The following EYS variants were observed in gnomAD, a reference collection of about 807,000 sequenced individuals.
The protein encoded by EYS is EGF-like photoreceptor maintenance factor, also known as protein eyes shut homolog.
A neutral mutation model predicts 282.1 loss-of-function variants in EYS; 250 were observed. That is an observed-to-expected ratio of 0.89 (90% confidence interval 0.80 to 0.98). The LOEUF is 0.98. EYS is among the 50% of genes least tolerant of loss of function. The probability of loss-of-function intolerance (pLI) is 0.00; values close to 1 mark genes in which losing one functional copy is unlikely to be tolerated. For missense variants in EYS, 4,016 were observed against 3,709.0 expected (o/e 1.08, Z -2.15); for synonymous variants, 1,355 against 1,282.9 (o/e 1.06, Z -1.20).
In EYS at chr6:65,203,254, T is replaced by C. The variant is rs1333653034; in HGVS notation, c.2023+92609A>G. ...CCATTTAACTGGCTTTTAGCCAAAA[T>C]TGTCACCTACTTGCTGGTAGGGTGA... is the stretch of plus-strand genomic sequence containing the variant. On this transcript the variant is annotated intron_variant, in intron 12 of 42. Transcript: ENST00000503581. Among the ~76,000 whole-genome samples the C allele has an allele frequency of 2.0e-5, 3 of 152,232 alleles. No homozygotes were observed. The East Asian group carries it at 5.8e-4, about 30-fold the overall frequency.
intron 26 of EYS, among the ~76,000 whole-genome samples, chr6:64,544,062 G>T (rs922234147): frequency 1.3e-5 from 2 of 152,142 alleles, no homozygotes; most frequent in Admixed American, 1.3e-4. Flanking sequence ...TACAAAACGG[G>T]TTTTAAAATA....
chr6:65,175,229 G>A (rs1206194253), intron 12 of EYS, among the ~76,000 whole-genome samples: 2 of 151,284 alleles, frequency 1.3e-5, no homozygotes, highest in African/African-American at 4.8e-5. Flanking sequence ...ATTGAATTTG[G>A]ATCTACTGAG....
chr6:64,799,980 A>C (rs189197229), intron 22 of EYS, among the ~76,000 whole-genome samples: 4 of 152,100 alleles, frequency 2.6e-5, no homozygotes, highest in Admixed American at 2.0e-4. Flanking sequence ...TGATCTTTCA[A>C]GTTAAAAAAC....
intron 2 of EYS, among the ~76,000 whole-genome samples, chr6:65,525,577 T>G (rs774217166): frequency 1.3e-5 from 2 of 152,226 alleles, no homozygotes; most frequent in Non-Finnish European, 2.9e-5. Context: ...TTATTGTTTG[T>G]TTCTCAAATA....
At chr6:65,615,739 C>G (rs1361465832) in intron 2 of EYS, among the ~76,000 whole-genome samples, 1 of 151,870 alleles carries the variant, frequency 6.6e-6, no homozygotes, top group Non-Finnish European at 1.5e-5. Flanking sequence ...TCAAAGTCAA[C>G]CTGGCTAACA....
At chr6:65,166,795 A>G (rs1341741276) in intron 12 of EYS, among the ~76,000 whole-genome samples, 1 of 151,210 alleles carries the variant, frequency 6.6e-6, no homozygotes, top group Non-Finnish European at 1.5e-5. Flanking sequence ...TATATCTTAT[A>G]AGGAACCACT....
At chr6:63,999,545 C>A (rs1403986714) in intron 33 of EYS, among the ~76,000 whole-genome samples, 1 of 152,148 alleles carries the variant, frequency 6.6e-6, no homozygotes, top group East Asian at 1.9e-4. Context: ...ATTGTTGGAC[C>A]AGTAACATCA....
chr6:64,605,594 C>T (rs953822807), intron 24 of EYS, among the ~76,000 whole-genome samples: 2 of 151,492 alleles, frequency 1.3e-5, no homozygotes, highest in African/African-American at 4.8e-5. Flanking sequence ...TCTAAATTCT[C>T]ACCTAATTGA....
At chr6:64,865,693 T>G (rs930808242) in intron 19 of EYS, among the ~76,000 whole-genome samples, 5 of 152,226 alleles carry the variant, frequency 3.3e-5, no homozygotes, top group Non-Finnish European at 5.9e-5. Context: ...TATGTTCATT[T>G]TTTTCTGCTA....
At chr6:64,445,448 C>T (rs938653097) in intron 26 of EYS, among the ~76,000 whole-genome samples, 2 of 152,104 alleles carry the variant, frequency 1.3e-5, no homozygotes, top group Non-Finnish European at 2.9e-5. Flanking sequence ...TGTATGGATT[C>T]ATATTATGAT....
At chr6:63,964,112 C>T (rs759537880) in intron 35 of EYS, among the ~76,000 whole-genome samples, 4 of 152,054 alleles carry the variant, frequency 2.6e-5, no homozygotes, top group Non-Finnish European at 4.4e-5. Context: ...AAGTTTAATT[C>T]CTTCCCCCAT....
At chr6:65,584,479 C>T (rs1294455258) in intron 2 of EYS, among the ~76,000 whole-genome samples, 2 of 151,928 alleles carry the variant, frequency 1.3e-5, no homozygotes, top group Admixed American at 1.3e-4. Flanking sequence ...AATTGGGGAA[C>T]ATGAGGTAGA....
At chr6:64,627,690 T>C (rs1767652016) in intron 22 of EYS, among the ~76,000 whole-genome samples, 2 of 152,204 alleles carry the variant, frequency 1.3e-5, no homozygotes, top group South Asian at 4.1e-4. Context: ...CGGCTGAAGC[T>C]AGGTAACGAT....
At chr6:64,186,796 A>G (rs748737886) in intron 31 of EYS, among the ~76,000 whole-genome samples, 10 of 151,864 alleles carry the variant, frequency 6.6e-5, no homozygotes, top group Non-Finnish European at 1.2e-4. Context: ...AGTTGTGGCT[A>G]TGTTTTAAAT....
At chr6:64,882,530 C>T (rs527834607) in intron 19 of EYS, among the ~76,000 whole-genome samples, 4 of 151,112 alleles carry the variant, frequency 2.6e-5, no homozygotes, top group East Asian at 1.9e-4. Context: ...ATGTTGCTGT[C>T]GTTGACAAAA....
chr6:64,438,618 G>T (rs1774829385), intron 27 of EYS, among the ~76,000 whole-genome samples: 1 of 150,886 alleles, frequency 6.6e-6, no homozygotes, highest in African/African-American at 2.4e-5. Flanking sequence ...TGGGAAACTG[G>T]TCAATAAAGA....
chr6:64,618,288 A>G (rs545785428), intron 23 of EYS, among the ~76,000 whole-genome samples: 1 of 152,158 alleles, frequency 6.6e-6, no homozygotes, highest in Non-Finnish European at 1.5e-5. Context: ...TTTTTTTGAA[A>G]CCATTGATTC....
At chr6:63,921,988 A>C (rs1764585610) in intron 35 of EYS, among the ~76,000 whole-genome samples, 2 of 152,194 alleles carry the variant, frequency 1.3e-5, no homozygotes, top group South Asian at 4.1e-4. Flanking sequence ...CTAACCTAAT[A>C]AGACTGTGGC....
chr6:65,446,793 T>C (rs946173076), intron 5 of EYS, among the ~76,000 whole-genome samples: 2 of 151,136 alleles, frequency 1.3e-5, no homozygotes, highest in South Asian at 4.2e-4. Context: ...AAATAACTAA[T>C]ATATTATTAC....
Sources: allele counts gnomAD v4.1 joint callset (sites outside exome capture counted in the v4.1 genomes callset), GRCh38; gene constraint gnomAD v4.1.1; transcripts MANE v1.5; gene names NCBI Gene and HGNC (gene_info 2026-07-23, HGNC 2026-07-21).